Variants in SIKE1 observed in about 807,000 individuals in gnomAD.
SIKE1 encodes suppressor of IKBKE 1, also known as suppressor of IKK epsilon.
In SIKE1, 13 loss-of-function variants were observed where a neutral mutation model predicts 25.8. That is an observed-to-expected ratio of 0.50 (90% CI 0.33 to 0.80). SIKE1 has a LOEUF of 0.80. SIKE1 is among the 30% of genes least tolerant of loss of function. The pLI is 0.02. For synonymous variants in SIKE1, 86 were observed against 95.5 expected, an observed-to-expected ratio of 0.90 and a Z score of 0.58; for missense variants, 222 against 252.4, an observed-to-expected ratio of 0.88 and a Z score of 0.82.
intron 4 of SIKE1, among the ~76,000 whole-genome samples, chr1:114,775,733 T>C (rs899683136): frequency 2.0e-5 from 3 of 152,134 alleles, no homozygotes; most frequent in Admixed American, 2.0e-4. Flanking sequence ...TCTTGAACTC[T>C]TGGGCTCAAG....
intron 2 of SIKE1, 145 bp from the exon 3 acceptor site, chr1:114,779,429 G>T (rs1429802022): frequency 8.4e-6 from 7 of 829,716 alleles, no homozygotes; most frequent in Non-Finnish European, 9.1e-6. Flanking sequence ...AAACTGAACA[G>T]TTAAAGTCTA....
At chr1:114,779,340 A>C in intron 2 of SIKE1, 56 bp from the exon 3 acceptor site, 1 of 1,582,810 alleles carries the variant, frequency 6.3e-7, no homozygotes. Context: ...TCCCAAATCC[A>C]AAGTCTTAAC....
At position 114,772,496 on chromosome 1, in the gene SIKE1, T is replaced by C. The variant is rs1570984153; in HGVS notation, c.*1775A>G. 6.6e-6 allele frequency: 1 copy of C among 152,318 alleles called. No homozygotes were observed. Among genetic ancestry groups the C allele is most frequent in the East Asian group, 1.9e-4 (1 of 5,184 alleles). The allele number at this position is 152,318 out of a possible 1,614,324, so 9.4% of individuals were successfully genotyped here. A position where few individuals can be genotyped will look rare whatever the true frequency, so the allele number is the denominator to read the frequency against. On this transcript the variant is annotated 3_prime_UTR_variant, in exon 5 of 5. Transcript: ENST00000060969. Reference sequence around the variant, plus strand: ...GCAGGGGGAAAAGTTAGTATGTCGATTTATCCTAACACTTGAGATATAAAG... The same window carrying C: ...GCAGGGGGAAAAGTTAGTATGTCGACTTATCCTAACACTTGAGATATAAAG...
chr1:114,780,649 G>T lies in SIKE1; in HGVS notation c.-42C>A, dbSNP rs1409748071. 5 of 1,506,068 alleles carry T rather than the reference G, an allele frequency of 3.3e-6. No individual in the cohort carries two copies. Among genetic ancestry groups the T allele is most frequent in the South Asian group, 2.4e-5 (2 of 84,712 alleles). 93.3% of individuals were successfully genotyped at this position (1,506,068 alleles called of 1,614,324 possible). A position where few individuals can be genotyped will look rare whatever the true frequency, so the allele number is the denominator to read the frequency against. Reference sequence around the variant, plus strand: ...CAGCCCCTGCCGGGCTCAGCTACGCGACTCGCTCAGATCTTCTGGGAGTCT... The same window carrying T: ...CAGCCCCTGCCGGGCTCAGCTACGCTACTCGCTCAGATCTTCTGGGAGTCT... On this transcript the variant is annotated 5_prime_UTR_variant, in exon 1 of 5. Coordinates refer to ENST00000060969, the MANE Select transcript of SIKE1 (RefSeq NM_025073.3).
intron 2 of SIKE1, 98 bp from the exon 3 acceptor site, chr1:114,779,382 A>G: frequency 8.3e-7 from 1 of 1,206,258 alleles, no homozygotes; most frequent in Non-Finnish European, 1.2e-6. Flanking sequence ...TATAGATAAT[A>G]TGAATCTAAA....
chr1:114,775,195 A>G (rs1393730982), intron 4 of SIKE1, among the ~76,000 whole-genome samples: 1 of 152,114 alleles, frequency 6.6e-6, no homozygotes, highest in Non-Finnish European at 1.5e-5. Flanking sequence ...CTTCATCCTT[A>G]TCCTCTGCAG....
rs891526080 is a variant in SIKE1, at chr1:114,773,162, G to A, written c.*1109C>T. The A allele has an allele frequency of 2.6e-5, 4 of 152,122 alleles. No homozygotes were observed. Among genetic ancestry groups the A allele is most frequent in the African/African-American group, 4.8e-5 (2 of 41,436 alleles). 9.4% of individuals were successfully genotyped at this position (152,122 alleles called of 1,614,324 possible). ...GAGTAAACTGGGACGGGAATGAGTT[G>A]ATGAGTGAACCCAGTTGACCACTGG... On this transcript the variant is annotated 3_prime_UTR_variant, in exon 5 of 5. Coordinates refer to ENST00000060969, the MANE Select transcript of SIKE1 (RefSeq NM_025073.3).
At position 114,773,134 on chromosome 1, in the gene SIKE1, T is replaced by C. The variant is rs764746144; in HGVS notation, c.*1137A>G. 6.6e-6 allele frequency: 1 copy of C among 152,136 alleles called. No homozygotes were observed. Among genetic ancestry groups the C allele is most frequent in the African/African-American group, 2.4e-5 (1 of 41,424 alleles). The allele number at this position is 152,136 out of a possible 1,614,324, so 9.4% of individuals were successfully genotyped here. On this transcript the variant is annotated 3_prime_UTR_variant, in exon 5 of 5. Coordinates refer to ENST00000060969, the MANE Select transcript of SIKE1 (RefSeq NM_025073.3). ...CATGAAGAAATTTATAAATTTGAAA[T>C]GTGAGTAAACTGGGACGGGAATGAG...
At chr1:114,775,356 A>G (rs764021105) in intron 4 of SIKE1, among the ~76,000 whole-genome samples, 4 of 151,074 alleles carry the variant, frequency 2.6e-5, no homozygotes, top group African/African-American at 4.8e-5. Context: ...TAGCATTTAC[A>G]TATTATTTAA....
In SIKE1 at chr1:114,770,390, G is replaced by A. The variant is rs1662036478; in HGVS notation, c.*3881C>T. ...CCAGCCTGGTTGACAGAGCAAGACTGTCTCAAAAAATAAAAATAAAAAAAT... is the reference window on the plus strand; with the variant it reads ...CCAGCCTGGTTGACAGAGCAAGACTATCTCAAAAAATAAAAATAAAAAAAT... On this transcript the variant is annotated 3_prime_UTR_variant, in exon 5 of 5. Coordinates refer to ENST00000060969, the MANE Select transcript of SIKE1 (RefSeq NM_025073.3). 6.8e-6 allele frequency: 1 copy of A among 147,716 alleles called. No homozygotes were observed. The highest frequency in any genetic ancestry group is 2.5e-5 in the African/African-American group (1 of 40,464). 9.2% of individuals were successfully genotyped at this position (147,716 alleles called of 1,614,324 possible).
Position 114,780,110 on chromosome 1 carries a change from C to T in SIKE1, c.265G>A (p.Glu89Lys). The T allele has an allele frequency of 6.2e-7, 1 of 1,608,462 alleles. No individual in the cohort carries two copies. Among genetic ancestry groups the T allele is most frequent in the South Asian group, 1.1e-5 (1 of 90,666 alleles). ...QIRDLQQENR[E>K]LWISLEEHQD... ...CCAGATATGAAAAGGCCTGACTAACCTCTGTTTTCCTGTTGCAAGTCTCTA... is the reference window on the plus strand; with the variant it reads ...CCAGATATGAAAAGGCCTGACTAACTTCTGTTTTCCTGTTGCAAGTCTCTA... The change falls in exon 2 of 5, where the codon GAG becomes AAG. Residue 89 changes from glutamate (E) to lysine (K), a missense_variant and splice_region_variant. Coordinates refer to ENST00000060969, the MANE Select transcript of SIKE1 (RefSeq NM_025073.3).
In SIKE1 at chr1:114,780,435, A is replaced by AC. The variant is rs756954005; in HGVS notation, c.159+13dup. 1 of 1,609,210 alleles carries AC rather than the reference A, an allele frequency of 6.2e-7. No homozygotes were observed. Among genetic ancestry groups the AC allele is most frequent in the South Asian group, 1.1e-5 (1 of 90,794 alleles). ...CAGAATCCGAGAGCACTGGACTCCTACCCTCTGCCTGACCTGGTCCGGAAG... is the reference window on the plus strand; with the variant it reads ...CAGAATCCGAGAGCACTGGACTCCTACCCCTCTGCCTGACCTGGTCCGGAAG... On this transcript the variant is annotated intron_variant, in intron 1 of 4. Coordinates refer to ENST00000060969, the MANE Select transcript of SIKE1 (RefSeq NM_025073.3).
At position 114,777,033 on chromosome 1, in the gene SIKE1, T is replaced by C. The variant is rs1028284659; in HGVS notation, c.409-574A>G. 2.0e-5 allele frequency among the ~76,000 whole-genome samples: 3 copies of C among 152,212 alleles called. No homozygotes were observed. The South Asian group carries it at 6.2e-4, about 32-fold the overall frequency. ...ACCAAACACCGCATGTTCTCACTCA[T>C]AGGTGGGAATTGAACAATGAGAACA... On this transcript the variant is annotated intron_variant, in intron 3 of 4. Transcript: ENST00000060969.
chr1:114,774,452 A>G (rs781481749), intron 4 of SIKE1, 80 bp from the exon 5 acceptor site: 37 of 934,560 alleles, frequency 4.0e-5, no homozygotes, highest in Non-Finnish European at 5.6e-5. Flanking sequence ...TTGAGCCAGG[A>G]GCAGAAAACA....
intron 4 of SIKE1, among the ~76,000 whole-genome samples, chr1:114,776,003 G>A (rs543819050): frequency 6.6e-6 from 1 of 152,010 alleles, no homozygotes; most frequent in East Asian, 1.9e-4. Context: ...TGCTTATACT[G>A]CTATTTCCTG....
Position 114,773,978 on chromosome 1 carries a change from T to C in SIKE1, c.*293A>G. On this transcript the variant is annotated 3_prime_UTR_variant, in exon 5 of 5. Coordinates refer to ENST00000060969, the MANE Select transcript of SIKE1 (RefSeq NM_025073.3). ...AAAAATGCTCAAAGTTTCAGAGATG[T>C]GAAAAATAACAAAGAACTGAAAACA... is the stretch of plus-strand genomic sequence containing the variant. 1 of 222,134 alleles carries C rather than the reference T, an allele frequency of 4.5e-6. No homozygotes were observed. Among genetic ancestry groups the C allele is most frequent in the Non-Finnish European group, 8.8e-6 (1 of 113,974 alleles). 13.8% of individuals were successfully genotyped at this position (222,134 alleles called of 1,614,324 possible). A position where few individuals can be genotyped will look rare whatever the true frequency, so the allele number is the denominator to read the frequency against.
rs1662111341 is a variant in SIKE1, at chr1:114,773,082, T to C, written c.*1189A>G. 6.6e-6 allele frequency: 1 copy of C among 152,146 alleles called. No homozygotes were observed. The highest frequency in any genetic ancestry group is 2.1e-4 in the South Asian group (1 of 4,824). The allele number at this position is 152,146 out of a possible 1,614,324, so 9.4% of individuals were successfully genotyped here. ...GGTTTAGCATTATTTCAACTAATTCTGGGCAAATCTAAATAGAATAGTATA... is the reference window on the plus strand; with the variant it reads ...GGTTTAGCATTATTTCAACTAATTCCGGGCAAATCTAAATAGAATAGTATA... On this transcript the variant is annotated 3_prime_UTR_variant, in exon 5 of 5. Coordinates refer to ENST00000060969, the MANE Select transcript of SIKE1 (RefSeq NM_025073.3).
chr1:114,774,416 C>A (rs754982120), intron 4 of SIKE1, 44 bp from the exon 5 acceptor site: 2 of 1,310,598 alleles, frequency 1.5e-6, no homozygotes, highest in East Asian at 2.5e-5. Context: ...TTTTACTGTC[C>A]AACTGCATTA....
rs1164201310 is a variant in SIKE1 at position 114,771,148 on chromosome 1, G to T, written c.*3123C>A. The T allele has an allele frequency of 6.6e-6, 1 of 152,208 alleles. No individual in the cohort carries two copies. Among genetic ancestry groups the T allele is most frequent in the Admixed American group, 6.5e-5 (1 of 15,280 alleles). 9.4% of individuals were successfully genotyped at this position (152,208 alleles called of 1,614,324 possible). ...GGATGTAAGCCAATATGGTAAGGAG[G>T]CAGATTTGAAAGACAGAACTGCACC... On this transcript the variant is annotated 3_prime_UTR_variant, in exon 5 of 5. Transcript: ENST00000060969.
Sources: allele counts gnomAD v4.1 joint callset (sites outside exome capture counted in the v4.1 genomes callset), GRCh38; gene constraint gnomAD v4.1.1; transcripts MANE v1.5; gene names NCBI Gene and HGNC (gene_info 2026-07-23, HGNC 2026-07-21).